Variants in DDX21 observed in about 807,000 individuals in gnomAD.
The protein encoded by DDX21 is DExD-box helicase 21.
In DDX21, 18 loss-of-function variants were observed where a neutral mutation model predicts 90.0. The observed-to-expected ratio is 0.20, with a 90% CI of 0.14 to 0.30. The LOEUF is 0.30. Among genes scored for constraint, DDX21 ranks in the 10% least tolerant of loss-of-function variants. The pLI is 1.00. For synonymous variants in DDX21, 294 were observed against 318.0 expected (o/e 0.92, Z 0.80); for missense variants, 673 against 944.5 (o/e 0.71, Z 3.77).
chr10:68,956,735 C>T, intron 1 of DDX21: 7 of 1,024,136 alleles, frequency 6.8e-6, no homozygotes, highest in Non-Finnish European at 8.2e-6. Context: ...AAGGAAGTTA[C>T]ACGTCAAGTC....
At position 68,982,751 on chromosome 10, in the gene DDX21, A is replaced by G. The variant is rs903984199; in HGVS notation, c.2291A>G (p.Lys764Arg). The change falls in exon 15 of 15, where the codon AAA becomes AGA. Residue 764 changes from lysine (K) to arginine (R), a missense_variant. Physicochemically the swap from Lys to Arg is conservative, Grantham distance 26. Coordinates refer to ENST00000354185, the MANE Select transcript of DDX21 (RefSeq NM_004728.4). ...GGACAGCGATCAGGAGGTGGCAACAAAAGTAACAGATCCCAAAACAAAGGC... is the reference window on the plus strand; with the variant it reads ...GGACAGCGATCAGGAGGTGGCAACAGAAGTAACAGATCCCAAAACAAAGGC... Reference protein sequence around the residue: ...PRGQRSGGGNKSNRSQNKGQK... With the variant: ...PRGQRSGGGNRSNRSQNKGQK... The G allele has an allele frequency of 2.5e-6, 4 of 1,614,230 alleles. No homozygotes were observed. Among genetic ancestry groups the G allele is most frequent in the Non-Finnish European group, 3.4e-6 (4 of 1,180,050 alleles).
rs1295384610 is a variant in DDX21 at position 68,983,397 on chromosome 10, G to A, written c.*585G>A. 6.5e-6 allele frequency: 1 copy of A among 153,200 alleles called. No individual in the cohort carries two copies. The highest frequency in any genetic ancestry group is 2.4e-5 in the African/African-American group (1 of 41,452). 9.5% of individuals were successfully genotyped at this position (153,200 alleles called of 1,614,324 possible). A position where few individuals can be genotyped will look rare whatever the true frequency, so the allele number is the denominator to read the frequency against. Reference sequence around the variant, plus strand: ...TAGACTTGGAAGATGTAGTATGTTTGATGTGGATTACCTATACTTATGTTC... The same window carrying A: ...TAGACTTGGAAGATGTAGTATGTTTAATGTGGATTACCTATACTTATGTTC... On this transcript the variant is annotated 3_prime_UTR_variant, in exon 15 of 15. Coordinates refer to ENST00000354185, the MANE Select transcript of DDX21 (RefSeq NM_004728.4).
At chr10:68,958,369 A>G (rs1842828534) in intron 1 of DDX21, among the ~76,000 whole-genome samples, 1 of 152,134 alleles carries the variant, frequency 6.6e-6, no homozygotes, top group Admixed American at 6.5e-5. Flanking sequence ...CCTGGGCTCA[A>G]GCAATCCTCC....
At chr10:68,976,074 T>TA (rs1843096280) in intron 11 of DDX21, among the ~76,000 whole-genome samples, 1 of 147,134 alleles carries the variant, frequency 6.8e-6, no homozygotes, top group Non-Finnish European at 1.5e-5. Context: ...AATACAAAAA[T>TA]ACAAAAATTA....
Position 68,969,062 on chromosome 10 carries a change from A to G in DDX21, c.1177A>G (p.Thr393Ala), listed in dbSNP as rs183544044. 1.9e-6 allele frequency: 3 copies of G among 1,614,102 alleles called. No homozygotes were observed. Among genetic ancestry groups the G allele is most frequent in the East Asian group, 4.5e-5 (2 of 44,876 alleles). ...TGTTGCCAAGAAATACATGAAATCT[A>G]CATATGAACAGGTGGACCTGATTGG... The part of the protein sequence containing the change: ...FNVAKKYMKS[T>A]YEQVDLIGKK... The change falls in exon 7 of 15, where the codon ACA becomes GCA. Residue 393 changes from threonine to alanine, a missense_variant. Thr to Ala is a moderately conservative substitution (Grantham distance 58). Coordinates refer to ENST00000354185, the MANE Select transcript of DDX21 (RefSeq NM_004728.4).
In DDX21 at chr10:68,981,650, A is replaced by G. The variant is rs938464438; in HGVS notation, c.2082+69A>G. On this transcript the variant is annotated intron_variant, in intron 14 of 14. Coordinates refer to ENST00000354185, the MANE Select transcript of DDX21 (RefSeq NM_004728.4). ...TAGAATGTTAATTATGAAAATAGAG[A>G]ATAATAGATTGGGAAACAATAGTTC... 11 of 1,302,442 alleles carry G rather than the reference A, an allele frequency of 8.4e-6. No homozygotes were observed. The East Asian group carries it at 1.4e-4, about 16-fold the overall frequency. The allele number at this position is 1,302,442 out of a possible 1,614,324, so 80.7% of individuals were successfully genotyped here. A position where few individuals can be genotyped will look rare whatever the true frequency, so the allele number is the denominator to read the frequency against.
chr10:68,974,838 T>G (rs1022207386), intron 11 of DDX21, 95 bp downstream of exon 11: 2 of 978,726 alleles, frequency 2.0e-6, no homozygotes, highest in Non-Finnish European at 3.0e-6. Flanking sequence ...AAAAATTTTT[T>G]TTTTAAAATT....
At chr10:68,956,564 C>T in intron 1 of DDX21, 1 of 1,332,816 alleles carries the variant, frequency 7.5e-7, no homozygotes, top group Non-Finnish European at 9.7e-7. Flanking sequence ...ATCCACAGGT[C>T]GGAACTCTGG....
chr10:68,965,249 A>G (rs1842924503), intron 4 of DDX21, 128 bp from the exon 5 acceptor site: 3 of 629,754 alleles, frequency 4.8e-6, no homozygotes, highest in Non-Finnish European at 8.2e-6. Context: ...ATATTAGATA[A>G]TGTTATCGTC....
chr10:68,970,484 A>AATTT, intron 8 of DDX21, 134 bp downstream of exon 8: 2 of 750,782 alleles, frequency 2.7e-6, no homozygotes, highest in African/African-American at 2.4e-5. Context: ...AGAGGAAGCT[A>AATTT]CTTTTTTTTT....
At position 68,983,082 on chromosome 10, in the gene DDX21, T is replaced by G; in HGVS notation, c.*270T>G. 1 of 470,906 alleles carries G rather than the reference T, an allele frequency of 2.1e-6. No individual in the cohort carries two copies. The allele number at this position is 470,906 out of a possible 1,614,324, so 29.2% of individuals were successfully genotyped here. On this transcript the variant is annotated 3_prime_UTR_variant, in exon 15 of 15. Coordinates refer to ENST00000354185, the MANE Select transcript of DDX21 (RefSeq NM_004728.4). Reference sequence around the variant, plus strand: ...TTATTCTAATGTATTATCTGTAGATTAGAAGATAAAATCAAGCATGTATCT... The same window carrying G: ...TTATTCTAATGTATTATCTGTAGATGAGAAGATAAAATCAAGCATGTATCT...
chr10:68,977,467 T>A, intron 11 of DDX21, 62 bp from the exon 12 acceptor site: 2 of 1,443,290 alleles, frequency 1.4e-6, no homozygotes, highest in Admixed American at 4.5e-5. Context: ...TCTTGAGATG[T>A]CTTAGAAATG....
intron 9 of DDX21, among the ~76,000 whole-genome samples, chr10:68,972,772 T>G (rs1267506222): frequency 6.6e-6 from 1 of 152,254 alleles, no homozygotes; most frequent in Non-Finnish European, 1.5e-5. Context: ...GTACTGCAAG[T>G]GTAAAATACA....
In DDX21 at chr10:68,983,698, T is replaced by TAAAAAAAAAA; in HGVS notation, c.*898_*907dup. 9.0e-6 allele frequency: 1 copy of TAAAAAAAAAA among 111,264 alleles called. No homozygotes were observed. Among genetic ancestry groups the TAAAAAAAAAA allele is most frequent in the Non-Finnish European group, 1.8e-5 (1 of 54,620 alleles). The allele number at this position is 111,264 out of a possible 1,614,324, so 6.9% of individuals were successfully genotyped here. A position where few individuals can be genotyped will look rare whatever the true frequency, so the allele number is the denominator to read the frequency against. Reference sequence around the variant, plus strand: ...CAGATTAGCATTGCTCAAGAGTATGTAAAAAAAAAAAAAAAAAAAAAGAAC... The same window carrying TAAAAAAAAAA: ...CAGATTAGCATTGCTCAAGAGTATGTAAAAAAAAAAAAAAAAAAAAAAAAAAAAAAAGAAC... On this transcript the variant is annotated 3_prime_UTR_variant, in exon 15 of 15. Transcript: ENST00000354185.
intron 7 of DDX21, 27 bp downstream of exon 7, chr10:68,969,148 T>G: frequency 6.3e-7 from 1 of 1,580,632 alleles, no homozygotes. Flanking sequence ...GTTGCCAGAA[T>G]ATAAAATTGT....
At chr10:68,981,052 C>T (rs1843182613) in intron 13 of DDX21, among the ~76,000 whole-genome samples, 1 of 152,086 alleles carries the variant, frequency 6.6e-6, no homozygotes. Context: ...TAGAAGATCA[C>T]TTGTTTTTCT....
Position 68,979,056 on chromosome 10 carries a change from C to A in DDX21, c.2037+80C>A, listed in dbSNP as rs2132095211. The A allele has an allele frequency of 2.6e-6, 4 of 1,563,694 alleles. No individual in the cohort carries two copies. In the South Asian group the frequency reaches 4.7e-5, roughly 19 times the overall value. On this transcript the variant is annotated intron_variant, in intron 13 of 14. Transcript: ENST00000354185. ...CAGTGTGGTGTGGGTTCTTCCTGTT[C>A]TGTGGGGATGCTGCATCTCTTCACT...
Position 68,956,427 on chromosome 10 carries a change from A to G in DDX21, c.87+115A>G, listed in dbSNP as rs1842794876. 3.3e-6 allele frequency: 5 copies of G among 1,525,574 alleles called. No individual in the cohort carries two copies. In the Admixed American group the frequency reaches 1.0e-4, roughly 31 times the overall value. The allele number at this position is 1,525,574 out of a possible 1,614,324, so 94.5% of individuals were successfully genotyped here. A position where few individuals can be genotyped will look rare whatever the true frequency, so the allele number is the denominator to read the frequency against. The stretch of plus-strand genomic sequence containing the variant: ...GCGCGCGGCGGATAACAGCGCGTCC[A>G]GACACCGGGCGTGGGTCTTGGCGGG... On this transcript the variant is annotated intron_variant, in intron 1 of 14. Coordinates refer to ENST00000354185, the MANE Select transcript of DDX21 (RefSeq NM_004728.4).
chr10:68,969,269 A>G, intron 7 of DDX21, 148 bp downstream of exon 7: 1 of 812,314 alleles, frequency 1.2e-6, no homozygotes, highest in Middle Eastern at 3.8e-4. Flanking sequence ...TGAGCTGTAT[A>G]TGATATCTGT....
Sources: gnomAD v4.1 joint callset for allele counts (sites outside exome capture counted in the v4.1 genomes callset) on GRCh38, gnomAD v4.1.1 for gene constraint, MANE v1.5 for transcripts, NCBI Gene and HGNC (gene_info 2026-07-23, HGNC 2026-07-21) for gene names.